BLM: variants seen among roughly 807,000 people sequenced by gnomAD.
BLM encodes recQ-like DNA helicase BLM.
A neutral mutation model predicts 135.3 loss-of-function variants in BLM; 95 were observed. That is an observed-to-expected ratio of 0.70 (90% confidence interval 0.59 to 0.83). The LOEUF (loss-of-function observed/expected upper bound fraction) is 0.83, where lower values mean the gene tolerates loss of function less well. Ranked by LOEUF, BLM falls within the 40% of genes least tolerant of loss-of-function variation. The pLI is 0.00. For synonymous variants in BLM, 520 were observed against 589.2 expected, an observed-to-expected ratio of 0.88 and a Z score of 1.70; for missense variants, 1,518 against 1,663.9, an observed-to-expected ratio of 0.91 and a Z score of 1.53.
At chr15:90,727,364 A>G (rs1894945633) in intron 1 of BLM, among the ~76,000 whole-genome samples, 1 of 151,954 alleles carries the variant, frequency 6.6e-6, no homozygotes, top group African/African-American at 2.4e-5. Context: ...TTTATTGTGA[A>G]TTATTGTATG....
At chr15:90,810,406 C>A (rs1399721459) in intron 20 of BLM, among the ~76,000 whole-genome samples, 2 of 152,122 alleles carry the variant, frequency 1.3e-5, no homozygotes, top group Admixed American at 1.3e-4. Context: ...AAGCCTTGTT[C>A]CGAATACATT....
intron 4 of BLM, among the ~76,000 whole-genome samples, chr15:90,752,736 T>C (rs1309300251): frequency 1.3e-5 from 2 of 152,232 alleles, no homozygotes; most frequent in Admixed American, 6.5e-5. Flanking sequence ...CAGCTTAAAT[T>C]GCTAAGTGTC....
At chr15:90,756,325 G>A (rs962247726) in intron 5 of BLM, among the ~76,000 whole-genome samples, 4 of 152,138 alleles carry the variant, frequency 2.6e-5, no homozygotes, top group South Asian at 2.1e-4. Flanking sequence ...GGATGGTCTT[G>A]ATCTCCTGAC....
chr15:90,746,316 C>T (rs901374999), intron 1 of BLM, among the ~76,000 whole-genome samples: 11 of 152,228 alleles, frequency 7.2e-5, no homozygotes, highest in South Asian at 4.1e-4. Context: ...ATATAATTCA[C>T]ATGCCAGTGT....
chr15:90,731,405 G>A (rs1050783870), intron 1 of BLM, among the ~76,000 whole-genome samples: 17 of 152,178 alleles, frequency 1.1e-4, no homozygotes, highest in African/African-American at 4.1e-4. Flanking sequence ...GAGCTGGGGA[G>A]TTGGTTCTTT....
At position 90,760,290 on chromosome 15, in the gene BLM, T is replaced by G. The variant is rs901955106; in HGVS notation, c.1220+11T>G. On this transcript the variant is annotated intron_variant, in intron 6 of 21. Coordinates refer to ENST00000355112, the MANE Select transcript of BLM (RefSeq NM_000057.4). ...GCAGCGGAACATAAGGTATCTTAAT[T>G]TTCCCCCTTCTGGAATATATCTGAT... 1 of 1,613,842 alleles carries G rather than the reference T, an allele frequency of 6.2e-7. No homozygotes were observed. The highest frequency in any genetic ancestry group is 1.3e-5 in the African/African-American group (1 of 74,886).
At chr15:90,747,961 C>T (rs1406612996) in intron 2 of BLM, among the ~76,000 whole-genome samples, 1 of 152,040 alleles carries the variant, frequency 6.6e-6, no homozygotes, top group Admixed American at 6.6e-5. Flanking sequence ...GCACCTGCCA[C>T]CACGCCTGGC....
At chr15:90,739,889 A>G (rs1335405347) in intron 1 of BLM, among the ~76,000 whole-genome samples, 1 of 152,002 alleles carries the variant, frequency 6.6e-6, no homozygotes, top group East Asian at 1.9e-4. Context: ...TCAGCTTCCC[A>G]AGTAGCTGGG....
chr15:90,803,584 A>G lies in BLM; in HGVS notation c.3422A>G (p.Asn1141Ser), dbSNP rs770370129. The G allele has an allele frequency of 1.2e-5, 20 of 1,613,980 alleles. No homozygotes were observed. In the East Asian group the frequency reaches 4.5e-4, roughly 36 times the overall value. The change falls in exon 18 of 22, where the codon AAT becomes AGT. Residue 1141 changes from asparagine (N) to serine (S), a missense_variant. By Grantham distance (46) the Asn-to-Ser change is conservative. Around this residue, in one of 5 missense-constraint regions of BLM, gnomAD observed 626 missense variants for 681.1 expected, o/e 0.92. Coordinates refer to ENST00000355112, the MANE Select transcript of BLM (RefSeq NM_000057.4). ...FGKGSAYSRH[N>S]AERLFKKLIL... ...AAAGGATCTGCTTATTCACGACACAATGCCGAAAGACTTTTTAAAAAGCTG... is the reference window on the plus strand; with the variant it reads ...AAAGGATCTGCTTATTCACGACACAGTGCCGAAAGACTTTTTAAAAAGCTG...
chr15:90,794,009 T>G (rs1896967596), intron 15 of BLM, 158 bp from the exon 16 acceptor site: 1 of 483,806 alleles, frequency 2.1e-6, no homozygotes, highest in South Asian at 4.0e-5. Context: ...ACATTAATAC[T>G]CAGTTAATTA....
rs138188609 is a variant in BLM at position 90,811,281 on chromosome 15, G to A, written c.3951G>A (p.Glu1317=). 5.0e-6 allele frequency: 8 copies of A among 1,614,022 alleles called. No individual in the cohort carries two copies. The African/African-American group carries it at 8.0e-5, about 16-fold the overall frequency. ...PGRSAAEELD[E]EIPVSSHYFA... is the part of the protein sequence containing the mutation. ...GAAGTGCCGCTGAGGAGCTCGACGA[G>A]GAAATACCCGTATCTTCCCACTACT... The change falls in exon 21 of 22, where the codon GAG becomes GAA. Residue 1317 remains glutamate (E), a synonymous_variant. Transcript: ENST00000355112.
chr15:90,752,319 G>A (rs1415434739), intron 4 of BLM, among the ~76,000 whole-genome samples: 1 of 152,034 alleles, frequency 6.6e-6, no homozygotes, highest in Non-Finnish European at 1.5e-5. Context: ...GGAACTACAG[G>A]TGCACACCAC....
intron 2 of BLM, 59 bp from the exon 3 acceptor site, chr15:90,749,308 A>T: frequency 1.5e-6 from 2 of 1,299,640 alleles, no homozygotes; most frequent in Non-Finnish European, 2.2e-6. Context: ...TTAGTTTTGT[A>T]GAGTTGGGGG....
chr15:90,739,364 G>A lies in BLM; in HGVS notation c.-4-8025G>A, dbSNP rs149859147. 1.5e-3 allele frequency among the ~76,000 whole-genome samples: 234 copies of A among 152,200 alleles called. 2 individuals carry two copies. Among genetic ancestry groups the A allele is most frequent in the Non-Finnish European group, 2.8e-3 (190 of 68,000 alleles). On this transcript the variant is annotated intron_variant, in intron 1 of 21. Transcript: ENST00000355112. ...TGCAGTGAGCTGAGATTGCGCCACTGCACCCCAGCCTGGGCAACAGAGCAA... is the reference window on the plus strand; with the variant it reads ...TGCAGTGAGCTGAGATTGCGCCACTACACCCCAGCCTGGGCAACAGAGCAA...
Position 90,815,328 on chromosome 15 carries a change from T to C in BLM, c.*49T>C, listed in dbSNP as rs746417679. ...ACCCTCTTTCTTGTTTGTCAGCATC[T>C]GACCATCTGTGACTATAAAGCTGTT... On this transcript the variant is annotated 3_prime_UTR_variant, in exon 22 of 22. Transcript: ENST00000355112. This position sits in a 1 kb window ranked among gnomAD's most constrained non-coding sequence, Gnocchi z 4.6. 26 of 1,569,746 alleles carry C rather than the reference T, an allele frequency of 1.7e-5. 1 individual carries two copies. The South Asian group carries it at 2.6e-4, about 15-fold the overall frequency.
At chr15:90,753,793 G>T (rs1484284216) in intron 4 of BLM, among the ~76,000 whole-genome samples, 1 of 152,108 alleles carries the variant, frequency 6.6e-6, no homozygotes, top group Non-Finnish European at 1.5e-5. Context: ...TCTGTAGCTG[G>T]CCCTCAAGAT....
At chr15:90,754,974 A>G in intron 5 of BLM, 36 bp downstream of exon 5, 2 of 1,611,196 alleles carry the variant, frequency 1.2e-6, no homozygotes, top group Non-Finnish European at 1.7e-6. Context: ...ATGTATTTCA[A>G]CTACTTACTT....
At chr15:90,770,014 C>T (rs374184523) in intron 12 of BLM, among the ~76,000 whole-genome samples, 1 of 152,026 alleles carries the variant, frequency 6.6e-6, no homozygotes, top group African/African-American at 2.4e-5. Context: ...TTTGTCATTT[C>T]CCCCTAAGGT....
intron 1 of BLM, among the ~76,000 whole-genome samples, chr15:90,739,078 C>T (rs1277794927): frequency 6.6e-6 from 1 of 152,136 alleles, no homozygotes; most frequent in Non-Finnish European, 1.5e-5. Flanking sequence ...TATGTATCTA[C>T]AGTTAGATAT....
Sources: gnomAD v4.1 joint callset for allele counts (sites outside exome capture counted in the v4.1 genomes callset) on GRCh38, gnomAD v4.1.1 for gene constraint, gnomAD v4.1.1 regional missense constraint, Gnocchi (gnomAD v3.1) non-coding constraint, MANE v1.5 for transcripts, NCBI Gene and HGNC (gene_info 2026-07-23, HGNC 2026-07-21) for gene names.